Variants in SRGAP1 observed in about 807,000 individuals in gnomAD.
SRGAP1 encodes the protein SLIT-ROBO Rho GTPase-activating protein 1.
In SRGAP1, 43 loss-of-function variants were observed where a neutral mutation model predicts 121.9. That is an observed-to-expected ratio of 0.35 (90% confidence interval 0.28 to 0.46). SRGAP1 has a LOEUF of 0.46. Ranked by LOEUF, SRGAP1 falls within the 20% of genes least tolerant of loss-of-function variation. The probability of loss-of-function intolerance (pLI) is 1.00; values close to 1 mark genes in which losing one functional copy is unlikely to be tolerated. For synonymous variants in SRGAP1, 447 were observed against 485.4 expected, an observed-to-expected ratio of 0.92 and a Z score of 1.04; for missense variants, 1,102 against 1,350.9, an observed-to-expected ratio of 0.82 and a Z score of 2.89.
chr12:63,988,931 C>G (rs1469849398), intron 2 of SRGAP1, among the ~76,000 whole-genome samples: 1 of 152,166 alleles, frequency 6.6e-6, no homozygotes, highest in Non-Finnish European at 1.5e-5. Context: ...GTGCCTCAGC[C>G]TCCCAAGTAG....
At position 64,106,636 on chromosome 12, in the gene SRGAP1, G is replaced by A. The variant is rs1234306957; in HGVS notation, c.1814-2296G>A. 2.0e-5 allele frequency among the ~76,000 whole-genome samples: 3 copies of A among 152,144 alleles called. No homozygotes were observed. In the East Asian group the frequency reaches 5.8e-4, roughly 29 times the overall value. On this transcript the variant is annotated intron_variant, in intron 15 of 21. Transcript: ENST00000355086. ...TCTTGATCCTACCAGGACCAAACTG[G>A]GTGGAAATGTTGATAACTTAATTAT...
chr12:63,945,279 T>TA (rs1217438263), intron 1 of SRGAP1, among the ~76,000 whole-genome samples: 1 of 151,916 alleles, frequency 6.6e-6, no homozygotes, highest in Non-Finnish European at 1.5e-5. Flanking sequence ...TTTTTTTTTT[T>TA]AAATACTTTA....
At chr12:63,932,462 G>A (rs2031513325) in intron 1 of SRGAP1, among the ~76,000 whole-genome samples, 1 of 152,138 alleles carries the variant, frequency 6.6e-6, no homozygotes, top group Admixed American at 6.5e-5. Flanking sequence ...TTTCCCAACA[G>A]ATCTTATACA....
intron 6 of SRGAP1, among the ~76,000 whole-genome samples, chr12:64,055,909 C>T (rs188883022): frequency 8.5e-5 from 13 of 152,236 alleles, no homozygotes; most frequent in African/African-American, 2.9e-4. Context: ...TTACCACCAG[C>T]GTTGATCATC....
intron 1 of SRGAP1, among the ~76,000 whole-genome samples, chr12:63,950,996 A>AT (rs566092286): frequency 0.098 from 12,940 of 131,878 alleles, 1,569 homozygotes; most frequent in African/African-American, 0.29. Context: ...CAATTGTCTG[A>AT]TTTTTTTTTT....
At chr12:63,898,379 A>G (rs924231401) in intron 1 of SRGAP1, among the ~76,000 whole-genome samples, 1 of 152,220 alleles carries the variant, frequency 6.6e-6, no homozygotes, top group African/African-American at 2.4e-5. Context: ...TTCATTCTGA[A>G]CAGTCATATT....
chr12:63,967,999 A>G (rs1179608222), intron 1 of SRGAP1, among the ~76,000 whole-genome samples: 1 of 152,222 alleles, frequency 6.6e-6, no homozygotes, highest in East Asian at 1.9e-4. Flanking sequence ...CTAGTGTGAG[A>G]AGTTTTAGAA....
intron 8 of SRGAP1, among the ~76,000 whole-genome samples, chr12:64,076,878 A>G (rs1023097954): frequency 4.6e-5 from 7 of 152,094 alleles, no homozygotes; most frequent in Admixed American, 4.6e-4. Flanking sequence ...TCCTGACCTC[A>G]AGCGATCCAC....
chr12:63,884,396 A>G (rs930231712), intron 1 of SRGAP1, among the ~76,000 whole-genome samples: 1 of 152,138 alleles, frequency 6.6e-6, no homozygotes, highest in African/African-American at 2.4e-5. Context: ...AATTTTGTAT[A>G]TTTTTAAATT....
intron 1 of SRGAP1, among the ~76,000 whole-genome samples, chr12:63,876,569 A>G (rs1388390698): frequency 6.6e-6 from 1 of 152,252 alleles, no homozygotes; most frequent in Non-Finnish European, 1.5e-5. Context: ...GAGAATAACT[A>G]TATTTAAATA....
Position 63,881,898 on chromosome 12 carries a change from T to C in SRGAP1, c.67+37015T>C, listed in dbSNP as rs536933367. On this transcript the variant is annotated intron_variant, in intron 1 of 21. Coordinates refer to ENST00000355086, the MANE Select transcript of SRGAP1 (RefSeq NM_020762.4). Reference sequence around the variant, plus strand: ...TTAAAATTGAGAGTTGATATACAGCTCATTAAAATAAATTACTAAAACTCT... The same window carrying C: ...TTAAAATTGAGAGTTGATATACAGCCCATTAAAATAAATTACTAAAACTCT... 2.0e-5 allele frequency among the ~76,000 whole-genome samples: 3 copies of C among 152,282 alleles called. No individual in the cohort carries two copies. In the South Asian group the frequency reaches 6.2e-4, roughly 32 times the overall value.
intron 1 of SRGAP1, among the ~76,000 whole-genome samples, chr12:63,974,382 A>T (rs60392489): frequency 0.018 from 2,688 of 152,302 alleles, 73 homozygotes; most frequent in African/African-American, 0.06. Flanking sequence ...TAACATCATT[A>T]CAAATGAAGG....
At chr12:64,108,056 TG>T (rs938519346) in intron 15 of SRGAP1, among the ~76,000 whole-genome samples, 5 of 152,210 alleles carry the variant, frequency 3.3e-5, no homozygotes, top group African/African-American at 1.2e-4. Flanking sequence ...ATCTGATAAA[TG>T]GGGATGACAG....
chr12:64,069,572 C>G (rs1490075527), intron 8 of SRGAP1, among the ~76,000 whole-genome samples: 1 of 152,214 alleles, frequency 6.6e-6, no homozygotes. Flanking sequence ...GCAGGGCCTG[C>G]TGCCACACAG....
At chr12:63,923,182 T>C (rs1432543282) in intron 1 of SRGAP1, among the ~76,000 whole-genome samples, 1 of 152,206 alleles carries the variant, frequency 6.6e-6, no homozygotes, top group Non-Finnish European at 1.5e-5. Context: ...CTACCAGCCT[T>C]TTCTTATGTA....
At chr12:63,981,223 C>T (rs1001517655) in intron 1 of SRGAP1, among the ~76,000 whole-genome samples, 1 of 152,066 alleles carries the variant, frequency 6.6e-6, no homozygotes, top group Non-Finnish European at 1.5e-5. Flanking sequence ...ATCTTAAATC[C>T]TGATGGAAGT....
intron 1 of SRGAP1, among the ~76,000 whole-genome samples, chr12:63,855,086 C>G (rs182331918): frequency 3.9e-5 from 6 of 152,280 alleles, no homozygotes; most frequent in Admixed American, 1.3e-4. Context: ...TCTCGGGTAA[C>G]AGACTGGAGA....
chr12:63,889,663 ACTT>A (rs1360027965), intron 1 of SRGAP1, among the ~76,000 whole-genome samples: 1 of 152,028 alleles, frequency 6.6e-6, no homozygotes, highest in Non-Finnish European at 1.5e-5. Context: ...TAATCCCAGC[ACTT>A]TGGGAGGCCA....
At chr12:64,117,220 CAA>C (rs1327503982) in intron 18 of SRGAP1, among the ~76,000 whole-genome samples, 1 of 152,144 alleles carries the variant, frequency 6.6e-6, no homozygotes, top group Non-Finnish European at 1.5e-5. Context: ...CAGCAAGGCC[CAA>C]GAGGTCAGAA....
Sources: allele counts gnomAD v4.1 joint callset (sites outside exome capture counted in the v4.1 genomes callset), GRCh38; gene constraint gnomAD v4.1.1; transcripts MANE v1.5; gene names NCBI Gene and HGNC (gene_info 2026-07-23, HGNC 2026-07-21).